Variants in AMPH observed in about 807,000 individuals in gnomAD.
AMPH encodes the protein amphiphysin.
In AMPH, 49 loss-of-function variants were observed where a neutral mutation model predicts 99.1. The observed-to-expected ratio is 0.49, with a 90% CI of 0.39 to 0.63. The LOEUF (loss-of-function observed/expected upper bound fraction) is 0.63. Among genes scored for constraint, AMPH ranks in the 20% least tolerant of loss-of-function variants. AMPH has a pLI of 0.00. For synonymous variants in AMPH, 314 were observed against 317.3 expected, an observed-to-expected ratio of 0.99 and a Z score of 0.11; for missense variants, 759 against 863.4, an observed-to-expected ratio of 0.88 and a Z score of 1.52.
intron 12 of AMPH, among the ~76,000 whole-genome samples, chr7:38,433,536 T>C (rs1786124503): frequency 6.6e-6 from 1 of 150,440 alleles, no homozygotes; most frequent in African/African-American, 2.5e-5. Flanking sequence ...CCATCCCGGC[T>C]AAAACGGTGA....
At chr7:38,519,741 C>G (rs1406329451) in intron 2 of AMPH, among the ~76,000 whole-genome samples, 2 of 152,098 alleles carry the variant, frequency 1.3e-5, no homozygotes, top group African/African-American at 4.8e-5. Flanking sequence ...TAGGATCAAG[C>G]CCAGGCCATG....
intron 7 of AMPH, among the ~76,000 whole-genome samples, chr7:38,467,271 A>C (rs926517065): frequency 1.3e-5 from 2 of 152,162 alleles, no homozygotes; most frequent in Non-Finnish European, 2.9e-5. Context: ...GATGTGTCTG[A>C]GATAGGGCAA....
At chr7:38,433,541 C>T (rs962388284) in intron 12 of AMPH, among the ~76,000 whole-genome samples, 7 of 150,308 alleles carry the variant, frequency 4.7e-5, no homozygotes, top group Non-Finnish European at 8.9e-5. Flanking sequence ...CCGGCTAAAA[C>T]GGTGAAACCC....
intron 2 of AMPH, among the ~76,000 whole-genome samples, chr7:38,527,347 C>T (rs1409690658): frequency 6.6e-6 from 1 of 152,204 alleles, no homozygotes; most frequent in Non-Finnish European, 1.5e-5. Flanking sequence ...TTGGTGACAA[C>T]CAACATGTTT....
intron 2 of AMPH, among the ~76,000 whole-genome samples, chr7:38,527,632 A>G (rs545869363): frequency 1.3e-5 from 2 of 152,312 alleles, no homozygotes; most frequent in East Asian, 1.9e-4. Context: ...CTGTTAGAGT[A>G]GTATTTTCGT....
At chr7:38,423,022 G>T (rs73350709) in intron 15 of AMPH, among the ~76,000 whole-genome samples, 7,110 of 152,222 alleles carry the variant, frequency 0.047, 525 homozygotes, top group African/African-American at 0.16. Context: ...CTAAATATAA[G>T]TCTCTGCTAG....
At chr7:38,482,176 C>G (rs1788308383) in intron 5 of AMPH, among the ~76,000 whole-genome samples, 1 of 152,080 alleles carries the variant, frequency 6.6e-6, no homozygotes. Context: ...AATTATCTAT[C>G]TTGGTTGATA....
chr7:38,458,864 C>A (rs1047547752), intron 11 of AMPH, among the ~76,000 whole-genome samples: 1 of 152,058 alleles, frequency 6.6e-6, no homozygotes, highest in Non-Finnish European at 1.5e-5. Flanking sequence ...GAAGTCCTAG[C>A]CAGAGCAATC....
intron 14 of AMPH, chr7:38,427,810 A>G (rs773486323): frequency 2.3e-6 from 1 of 433,474 alleles, no homozygotes; most frequent in East Asian, 7.1e-5. Context: ...GTCTTTGGCT[A>G]GTCTATGCTA....
intron 3 of AMPH, among the ~76,000 whole-genome samples, chr7:38,498,215 T>C (rs1178690336): frequency 1.3e-5 from 2 of 152,158 alleles, no homozygotes; most frequent in Non-Finnish European, 1.5e-5. Context: ...CACCTGATTC[T>C]TAAATCTAGC....
chr7:38,407,498 T>C (rs1373056998), intron 17 of AMPH, among the ~76,000 whole-genome samples: 1 of 152,036 alleles, frequency 6.6e-6, no homozygotes, highest in Admixed American at 6.6e-5. Flanking sequence ...TGGAAAATTA[T>C]CTATTGGGTA....
intron 18 of AMPH, 99 bp from the exon 19 acceptor site, chr7:38,392,116 C>A: frequency 7.9e-7 from 1 of 1,259,276 alleles, no homozygotes. Context: ...AAAGCTGGGG[C>A]TGCCACTTCC....
chr7:38,487,920 A>G (rs1476803453), intron 5 of AMPH, among the ~76,000 whole-genome samples: 3 of 152,384 alleles, frequency 2.0e-5, no homozygotes, highest in South Asian at 4.1e-4. Flanking sequence ...AACATATGAA[A>G]AAAAGCTCAT....
intron 1 of AMPH, among the ~76,000 whole-genome samples, chr7:38,568,862 C>T (rs1324166664): frequency 5.9e-5 from 9 of 152,192 alleles, no homozygotes; most frequent in South Asian, 2.1e-4. Context: ...CTGACACTGG[C>T]GGGTCTATAA....
chr7:38,486,195 T>A (rs1788486239), intron 5 of AMPH, among the ~76,000 whole-genome samples: 1 of 149,116 alleles, frequency 6.7e-6, no homozygotes, highest in Non-Finnish European at 1.5e-5. Context: ...ATTAACAAAC[T>A]TTTATCTAAA....
chr7:38,388,733 G>A (rs966870039), intron 20 of AMPH, among the ~76,000 whole-genome samples: 6 of 151,892 alleles, frequency 4.0e-5, no homozygotes, highest in African/African-American at 1.5e-4. Flanking sequence ...TTGAATTCCT[G>A]GGCTCAAGTG....
chr7:38,454,532 T>C (rs1474330764), intron 11 of AMPH, among the ~76,000 whole-genome samples: 1 of 151,048 alleles, frequency 6.6e-6, no homozygotes, highest in Admixed American at 6.6e-5. Flanking sequence ...CTTGAGTCAA[T>C]TAAAAAAAAA....
At chr7:38,556,456 C>T (rs1791366677) in intron 1 of AMPH, among the ~76,000 whole-genome samples, 1 of 152,182 alleles carries the variant, frequency 6.6e-6, no homozygotes, top group African/African-American at 2.4e-5. Flanking sequence ...GCCCAGTGTG[C>T]CTGACGGGCT....
chr7:38,498,163 A>T (rs1262730406), intron 3 of AMPH, among the ~76,000 whole-genome samples: 14 of 152,192 alleles, frequency 9.2e-5, no homozygotes. Flanking sequence ...AAAAACTAGA[A>T]GTTATCCCAG....
Sources: allele counts gnomAD v4.1 joint callset (sites outside exome capture counted in the v4.1 genomes callset), GRCh38; gene constraint gnomAD v4.1.1; transcripts MANE v1.5; gene names NCBI Gene and HGNC (gene_info 2026-07-23, HGNC 2026-07-21).